Variants in TNRC6A observed in about 807,000 individuals in gnomAD.
TNRC6A encodes the protein trinucleotide repeat containing adaptor 6A.
A neutral mutation model predicts 221.2 loss-of-function variants in TNRC6A; 44 were observed. The observed-to-expected ratio is 0.20, with a 90% CI of 0.16 to 0.26. The LOEUF (loss-of-function observed/expected upper bound fraction) is 0.26. Ranked by LOEUF, TNRC6A falls within the 10% of genes least tolerant of loss-of-function variation. TNRC6A has a pLI of 1.00. For synonymous variants in TNRC6A, 847 were observed against 838.5 expected, an observed-to-expected ratio of 1.01 and a Z score of -0.18; for missense variants, 2,199 against 2,404.4, an observed-to-expected ratio of 0.91 and a Z score of 1.79.
At chr16:24,755,892 G>A (rs995925105) in intron 3 of TNRC6A, among the ~76,000 whole-genome samples, 1 of 152,106 alleles carries the variant, frequency 6.6e-6, no homozygotes, top group Non-Finnish European at 1.5e-5. Flanking sequence ...AGGATTTACA[G>A]TGATACTTCA....
intron 2 of TNRC6A, among the ~76,000 whole-genome samples, chr16:24,643,070 A>T (rs1192892621): frequency 7.2e-6 from 1 of 138,368 alleles, no homozygotes; most frequent in Non-Finnish European, 1.5e-5. Context: ...CATATATATT[A>T]TATATATATT....
intron 2 of TNRC6A, among the ~76,000 whole-genome samples, chr16:24,720,918 G>T (rs548943310): frequency 9.1e-4 from 138 of 151,830 alleles, no homozygotes; most frequent in African/African-American, 3.1e-3. Context: ...AGCCAGGCAT[G>T]GTGGCAGGCA....
intron 2 of TNRC6A, among the ~76,000 whole-genome samples, chr16:24,706,374 C>T (rs545530905): frequency 1.3e-5 from 2 of 152,138 alleles, no homozygotes; most frequent in East Asian, 3.9e-4. Flanking sequence ...ATTAACCCTC[C>T]TAGGTATTGA....
chr16:24,663,023 G>A lies in TNRC6A; in HGVS notation n.402+22014G>A, dbSNP rs543556938. On this transcript the variant is annotated intron_variant and non_coding_transcript_variant, in intron 2 of 2. Coordinates refer to the TNRC6A transcript ENST00000566108. The stretch of plus-strand genomic sequence containing the variant: ...TTTCTTGATGAATTGCTTAGAAGAG[G>A]ATATGAGATCACAAATGATCTCAGT... 13 of 153,836 alleles carry A rather than the reference G, an allele frequency of 8.5e-5. 1 individual carries two copies. Among genetic ancestry groups the A allele is most frequent in the African/African-American group, 2.4e-4 (10 of 41,556 alleles). The allele number at this position is 153,836 out of a possible 1,614,324, so 9.5% of individuals were successfully genotyped here.
At chr16:24,770,475 C>T (rs986930248) in intron 4 of TNRC6A, among the ~76,000 whole-genome samples, 1 of 151,992 alleles carries the variant, frequency 6.6e-6, no homozygotes, top group Non-Finnish European at 1.5e-5. Context: ...AAAGAAGTGG[C>T]GTTGGAGACA....
chr16:24,808,575 A>G (rs2152014726), intron 17 of TNRC6A, among the ~76,000 whole-genome samples: 1 of 152,386 alleles, frequency 6.6e-6, no homozygotes, highest in African/African-American at 2.4e-5. Flanking sequence ...TGATGGGTCC[A>G]AGAGTAGCAA....
chr16:24,675,702 CTATATA>C (rs60165161), intron 2 of TNRC6A, among the ~76,000 whole-genome samples: 723 of 33,070 alleles, frequency 0.022, 11 homozygotes, highest in African/African-American at 0.036. Flanking sequence ...CTCTCTCTCT[CTATATA>C]TATATATATA....
chr16:24,693,067 C>T (rs1263797236), intron 2 of TNRC6A, among the ~76,000 whole-genome samples: 1 of 152,054 alleles, frequency 6.6e-6, no homozygotes, highest in Non-Finnish European at 1.5e-5. Context: ...AATAAACACA[C>T]TCACACTATT....
chr16:24,729,721 C>T lies in TNRC6A; in HGVS notation c.-121C>T. Reference sequence around the variant, plus strand: ...GCGGCGGCGGCGGCGGCGGCGGCAGCGGGTCGGTGTAGAAAATGGCGCTGG... The same window carrying T: ...GCGGCGGCGGCGGCGGCGGCGGCAGTGGGTCGGTGTAGAAAATGGCGCTGG... On this transcript the variant is annotated 5_prime_UTR_variant, in exon 1 of 25. Transcript: ENST00000395799. The T allele has an allele frequency of 4.5e-6, 5 of 1,120,236 alleles. No homozygotes were observed. The highest frequency in any genetic ancestry group is 5.6e-5 in the South Asian group (2 of 35,646). 69.4% of individuals were successfully genotyped at this position (1,120,236 alleles called of 1,614,324 possible). A position where few individuals can be genotyped will look rare whatever the true frequency, so the allele number is the denominator to read the frequency against.
chr16:24,796,306 G>A (rs2058218099), intron 9 of TNRC6A: 1 of 204,890 alleles, frequency 4.9e-6, no homozygotes, highest in African/African-American at 2.3e-5. Context: ...ACTTTATTTT[G>A]TGTAAAATAT....
chr16:24,741,961 T>C (rs2056901802), intron 2 of TNRC6A, among the ~76,000 whole-genome samples: 1 of 152,162 alleles, frequency 6.6e-6, no homozygotes, highest in African/African-American at 2.4e-5. Flanking sequence ...TTCAGCCTCC[T>C]GAGGAGCTGG....
chr16:24,627,365 CA>C (rs1449797750), intron 1 of TNRC6A, among the ~76,000 whole-genome samples: 2 of 152,050 alleles, frequency 1.3e-5, no homozygotes, highest in African/African-American at 4.8e-5. Flanking sequence ...TTCCCGTGTT[CA>C]AAAAGTAGCT....
chr16:24,750,622 C>T, intron 2 of TNRC6A, 104 bp from the exon 3 acceptor site: 2 of 1,281,994 alleles, frequency 1.6e-6, no homozygotes, highest in Non-Finnish European at 2.1e-6. Context: ...AATAATTTGC[C>T]ATGTCTTCTA....
chr16:24,791,697 G>A lies in TNRC6A; in HGVS notation c.3055G>A (p.Val1019Met). 6.2e-7 allele frequency: 1 copy of A among 1,613,780 alleles called. No homozygotes were observed. The highest frequency in any genetic ancestry group is 8.5e-7 in the Non-Finnish European group (1 of 1,179,886). The change falls in exon 6 of 25, where the codon GTG becomes ATG. Residue 1019 changes from valine (V) to methionine (M), a missense_variant. This residue lies in a region of TNRC6A where 1,405 missense variants were observed against 1,400.2 expected (regional missense o/e 1.00). Transcript: ENST00000395799. Reference sequence around the variant, plus strand: ...TCCAAGCAAATACAACTACAAAAATGTGAACATGTGGAACAAAAACGTCCC... The same window carrying A: ...TCCAAGCAAATACAACTACAAAAATATGAACATGTGGAACAAAAACGTCCC... ...GDPSKYNYKN[V>M]NMWNKNVPNG...
Position 24,791,474 on chromosome 16 carries a change from A to G in TNRC6A, c.2832A>G (p.Pro944=). 1 of 1,532,256 alleles carries G rather than the reference A, an allele frequency of 6.5e-7. No individual in the cohort carries two copies. Among genetic ancestry groups the G allele is most frequent in the Non-Finnish European group, 8.7e-7 (1 of 1,143,502 alleles). 94.9% of individuals were successfully genotyped at this position (1,532,256 alleles called of 1,614,324 possible). A position where few individuals can be genotyped will look rare whatever the true frequency, so the allele number is the denominator to read the frequency against. ...WGDSSKPVSS[P]DWNKQQDIVG... is the part of the protein sequence containing the mutation. ...ATTCGTCAAAGCCAGTCAGCTCTCCAGACTGGAACAAGCAACAAGACATTG... is the reference window on the plus strand; with the variant it reads ...ATTCGTCAAAGCCAGTCAGCTCTCCGGACTGGAACAAGCAACAAGACATTG... Residue 944 remains proline (P), a synonymous_variant, in exon 6 of 25, where the codon CCA becomes CCG. Coordinates refer to ENST00000395799, the MANE Select transcript of TNRC6A (RefSeq NM_014494.4).
intron 4 of TNRC6A, among the ~76,000 whole-genome samples, chr16:24,764,471 C>CAT (rs2057429857): frequency 6.6e-6 from 1 of 151,652 alleles, no homozygotes; most frequent in Non-Finnish European, 1.5e-5. Context: ...GGATTACAGG[C>CAT]GCGTACCACC....
intron 5 of TNRC6A, among the ~76,000 whole-genome samples, chr16:24,777,763 T>C (rs1467343032): frequency 6.6e-6 from 1 of 152,192 alleles, no homozygotes; most frequent in African/African-American, 2.4e-5. Context: ...CATACCAAGA[T>C]GTTAAATAAC....
chr16:24,610,768 T>C (rs1348770232), intron 1 of TNRC6A, among the ~76,000 whole-genome samples: 1 of 151,938 alleles, frequency 6.6e-6, no homozygotes, highest in Non-Finnish European at 1.5e-5. Context: ...TCCTAACCTC[T>C]CTCACCTCTC....
At chr16:24,796,326 G>A (rs1053319313) in intron 9 of TNRC6A, 3 of 179,710 alleles carry the variant, frequency 1.7e-5, no homozygotes, top group South Asian at 3.9e-4. Context: ...TGGAACCAAC[G>A]AAATTGAGTA....
Sources: allele counts gnomAD v4.1 joint callset (sites outside exome capture counted in the v4.1 genomes callset), GRCh38; gene constraint gnomAD v4.1.1; regional missense constraint gnomAD v4.1.1; transcripts MANE v1.5; gene names NCBI Gene and HGNC (gene_info 2026-07-23, HGNC 2026-07-21).